The following ZNF362 variants were observed in gnomAD, a reference collection of about 807,000 sequenced individuals.
ZNF362 encodes the protein rotund homolog.
ZNF362 carries 11 observed loss-of-function variants against 42.9 expected under a neutral mutation model. That is an observed-to-expected ratio of 0.26 (90% CI 0.16 to 0.42). The LOEUF (loss-of-function observed/expected upper bound fraction) is 0.42. Among genes scored for constraint, ZNF362 ranks in the 20% least tolerant of loss-of-function variants. ZNF362 has a pLI of 1.00. For missense variants in ZNF362, 362 were observed against 576.2 expected, an observed-to-expected ratio of 0.63 and a Z score of 3.81; for synonymous variants, 255 against 257.3, an observed-to-expected ratio of 0.99 and a Z score of 0.09.
In ZNF362 at chr1:33,281,831, C is replaced by T. The variant is rs1412823463; in HGVS notation, c.908+20C>T. ...CACCAGGTGAGTGGCCTGCCTGCTG[C>T]CCTGCTGCAGCCCGACTCAGCTCAG... On this transcript the variant is annotated intron_variant, in intron 6 of 8. Transcript: ENST00000539719. This position sits in a 1 kb window ranked among gnomAD's most constrained non-coding sequence, Gnocchi z 4.8. The T allele has an allele frequency of 6.2e-7, 1 of 1,611,656 alleles. No homozygotes were observed. The highest frequency in any genetic ancestry group is 8.5e-7 in the Non-Finnish European group (1 of 1,178,266).
chr1:33,200,782 T>G, the ZNF362 span, among the ~76,000 whole-genome samples: 1 of 152,228 alleles, frequency 6.6e-6, no homozygotes, highest in Non-Finnish European at 1.5e-5. Context: ...CTAAATTGTG[T>G]ACCCTTTCCA....
chr1:33,147,036 C>T, the ZNF362 span: 5 of 826,266 alleles, frequency 6.1e-6, no homozygotes, highest in East Asian at 5.2e-5. The surrounding 1 kb of genome is among the most constrained non-coding windows in gnomAD (Gnocchi z 8.1). Flanking sequence ...CTCCATTTTA[C>T]AGACTGGAGG....
chr1:33,184,338 G>T, the ZNF362 span, among the ~76,000 whole-genome samples: 1 of 152,216 alleles, frequency 6.6e-6, no homozygotes, highest in African/African-American at 2.4e-5. Flanking sequence ...AAGGAGATGT[G>T]ATGGAAATTG....
intron 2 of ZNF362, chr1:33,274,864 T>C (rs1645930929): frequency 1.2e-6 from 1 of 829,988 alleles, no homozygotes; most frequent in Non-Finnish European, 1.5e-6. Context: ...AATGGTATAA[T>C]AATACCTCTT....
rs1158388062 is a variant in ZNF362 at position 33,281,308 on chromosome 1, C to G, written c.684-279C>G. ...CTGCCCAGAACCGTGGGATATAGCC[C>G]TGGGCAAACCCTCACCAGGATCAGG... is the stretch of plus-strand genomic sequence containing the variant. On this transcript the variant is annotated intron_variant, in intron 5 of 8. Transcript: ENST00000539719. This position sits in a 1 kb window ranked among gnomAD's most constrained non-coding sequence, Gnocchi z 4.8. Among the ~76,000 whole-genome samples, 1 of 152,154 alleles carries G rather than the reference C, an allele frequency of 6.6e-6. No homozygotes were observed. Among genetic ancestry groups the G allele is most frequent in the East Asian group, 1.9e-4 (1 of 5,180 alleles).
chr1:33,175,639 T>C, the ZNF362 span, among the ~76,000 whole-genome samples: 3 of 152,268 alleles, frequency 2.0e-5, no homozygotes, highest in South Asian at 6.2e-4. Flanking sequence ...AAGACCACTT[T>C]GAATCTCAGC....
chr1:33,210,841 C>A, the ZNF362 span, among the ~76,000 whole-genome samples: 1 of 152,022 alleles, frequency 6.6e-6, no homozygotes, highest in Admixed American at 6.6e-5. Flanking sequence ...GATGTGTCTC[C>A]TGAATACAGC....
the ZNF362 span, among the ~76,000 whole-genome samples, chr1:33,192,660 G>T: frequency 6.6e-6 from 1 of 152,142 alleles, no homozygotes; most frequent in Admixed American, 6.5e-5. Context: ...GGGAACCAGG[G>T]TATTTATATA....
At chr1:33,199,605 G>A in the ZNF362 span, among the ~76,000 whole-genome samples, 1 of 152,188 alleles carries the variant, frequency 6.6e-6, no homozygotes, top group Non-Finnish European at 1.5e-5. Context: ...ACTGGAAATG[G>A]CAATTATGTG....
intron 1 of ZNF362, among the ~76,000 whole-genome samples, chr1:33,264,849 T>TG (rs1285267273): frequency 1.3e-5 from 2 of 152,044 alleles, no homozygotes; most frequent in Non-Finnish European, 2.9e-5. Context: ...GGGGGACACA[T>TG]GGGGACTGAA....
chr1:33,239,874 A>G, the ZNF362 span, among the ~76,000 whole-genome samples: 4 of 152,202 alleles, frequency 2.6e-5, no homozygotes, highest in Non-Finnish European at 4.4e-5. Flanking sequence ...CACTGGCCAA[A>G]TCAGGGATAA....
At chr1:33,147,805 A>G in the ZNF362 span, 4 of 1,522,610 alleles carry the variant, frequency 2.6e-6, no homozygotes, top group Middle Eastern at 2.2e-4. The surrounding 1 kb of genome is among the most constrained non-coding windows in gnomAD (Gnocchi z 8.1). Context: ...TCCTGAGGGC[A>G]GAGTTCTGGT....
chr1:33,250,893 A>AAGAAGAAGAAGAAGAAGAAGAAGG, the ZNF362 span, among the ~76,000 whole-genome samples: 2 of 150,006 alleles, frequency 1.3e-5, no homozygotes, highest in Admixed American at 6.6e-5. Flanking sequence ...GAAGAAGAAG[A>AAGAAGAAGAAGAAGAAGAAGAAGG]AGGAGAAGAA....
the ZNF362 span, among the ~76,000 whole-genome samples, chr1:33,189,718 T>TATATATATATATATAC: frequency 4.0e-4 from 50 of 125,792 alleles, 1 homozygote; most frequent in Non-Finnish European, 5.2e-4. Context: ...CGTATATATA[T>TATATATATATATATAC]ACATACACAC....
the ZNF362 span, chr1:33,142,884 C>T: frequency 6.6e-6 from 1 of 151,954 alleles, no homozygotes; most frequent in African/African-American, 2.4e-5. Context: ...GTGACGTTTC[C>T]CTGCTCAAAC....
chr1:33,286,763 G>A (rs1646035821), intron 6 of ZNF362, among the ~76,000 whole-genome samples: 1 of 152,148 alleles, frequency 6.6e-6, no homozygotes, highest in Non-Finnish European at 1.5e-5. Context: ...CTTGTCCTCT[G>A]CTATTTGACG....
intron 6 of ZNF362, among the ~76,000 whole-genome samples, chr1:33,292,102 A>G (rs1174347408): frequency 2.0e-5 from 3 of 152,110 alleles, no homozygotes; most frequent in African/African-American, 7.2e-5. Flanking sequence ...TTCCAACACT[A>G]TGTTGAATAG....
the ZNF362 span, among the ~76,000 whole-genome samples, chr1:33,155,262 G>A: frequency 6.6e-6 from 1 of 151,766 alleles, no homozygotes; most frequent in African/African-American, 2.4e-5. Context: ...AGTAGAGACG[G>A]GGTTTCACCA....
the ZNF362 span, chr1:33,147,201 C>A: frequency 6.2e-7 from 1 of 1,613,788 alleles, no homozygotes; most frequent in Non-Finnish European, 8.5e-7. The surrounding 1 kb of genome is among the most constrained non-coding windows in gnomAD (Gnocchi z 8.1). Flanking sequence ...TGTTGATCCG[C>A]AGCGGCTGAA....
Sources: gnomAD v4.1 joint callset for allele counts (sites outside exome capture counted in the v4.1 genomes callset) on GRCh38, gnomAD v4.1.1 for gene constraint, Gnocchi (gnomAD v3.1) non-coding constraint, MANE v1.5 for transcripts, NCBI Gene and HGNC (gene_info 2026-07-23, HGNC 2026-07-21) for gene names.